CEP44: variants seen among roughly 807,000 people sequenced by gnomAD.
CEP44 encodes the protein centrosomal protein 44.
A neutral mutation model predicts 46.7 loss-of-function variants in CEP44; 45 were observed. That is an observed-to-expected ratio of 0.96 (90% CI 0.76 to 1.24). The LOEUF is 1.24. Among genes scored for constraint, CEP44 ranks in the 50% most tolerant of loss-of-function variants. The pLI is 0.00. For missense variants in CEP44, 475 were observed against 459.7 expected (o/e 1.03, Z -0.30); for synonymous variants, 142 against 146.0 (o/e 0.97, Z 0.20).
At chr4:174,323,063 T>TA (rs1426325650), downstream of CEP44, among the ~76,000 whole-genome samples, 1 of 149,160 alleles carries the variant, frequency 6.7e-6, no homozygotes, top group Non-Finnish European at 1.5e-5. Context: ...GAGAAAATGA[T>TA]ATTTCTGTTT....
Position 174,319,406 on chromosome 4 carries a change from A to C in CEP44, c.*2023A>C. The C allele has an allele frequency of 1.0e-6, 1 of 984,584 alleles. No individual in the cohort carries two copies. Among genetic ancestry groups the C allele is most frequent in the East Asian group, 1.1e-4 (1 of 8,812 alleles). 61.0% of individuals were successfully genotyped at this position (984,584 alleles called of 1,614,324 possible). A position where few individuals can be genotyped will look rare whatever the true frequency, so the allele number is the denominator to read the frequency against. ...CCAGTATTTTACCTTTTGTTAAAAC[A>C]AGTGATTTCCCATCAAACAGGATAA... On this transcript the variant is annotated 3_prime_UTR_variant, in exon 12 of 12. Transcript: ENST00000503780.
intron 6 of CEP44, among the ~76,000 whole-genome samples, chr4:174,305,035 A>C (rs1740221740): frequency 6.6e-6 from 1 of 152,248 alleles, no homozygotes; most frequent in Admixed American, 6.5e-5. Context: ...ATAGAATATC[A>C]GATGAATTAT....
chr4:174,284,809 A>T (rs911734470), intron 1 of CEP44, among the ~76,000 whole-genome samples: 14 of 152,020 alleles, frequency 9.2e-5, no homozygotes, highest in Non-Finnish European at 1.6e-4. Flanking sequence ...TGTTTTTCTC[A>T]TCTTTACTTT....
chr4:174,314,007 A>G lies in CEP44; in HGVS notation c.962-2159A>G, dbSNP rs1016545863. Among the ~76,000 whole-genome samples the G allele has an allele frequency of 2.6e-5, 4 of 152,192 alleles. No homozygotes were observed. Among genetic ancestry groups the G allele is most frequent in the Admixed American group, 1.3e-4 (2 of 15,288 alleles). Reference sequence around the variant, plus strand: ...CCTTGATTTAGAAGTATTGGCTTACAAATTATTAAATGGTAAAGGACCCTA... The same window carrying G: ...CCTTGATTTAGAAGTATTGGCTTACGAATTATTAAATGGTAAAGGACCCTA... On this transcript the variant is annotated intron_variant, in intron 9 of 11. Coordinates refer to ENST00000503780, the MANE Select transcript of CEP44 (RefSeq NM_001040157.3). This position sits in a 1 kb window ranked among gnomAD's most constrained non-coding sequence, Gnocchi z 4.1.
chr4:174,294,728 A>ACCTCCCTGCTGGGCGGGGGGCTGACCC (rs1738674536), intron 1 of CEP44, among the ~76,000 whole-genome samples: 1 of 128,494 alleles, frequency 7.8e-6, no homozygotes, highest in Admixed American at 7.5e-5. Context: ...GGGGCTGACC[A>ACCTCCCTGCTGGGCGGGGGGCTGACCC]CCCCCCACCT....
chr4:174,326,409 A>G lies in CEP44; in HGVS notation c.1087-5073A>G, dbSNP rs987586329. Among the ~76,000 whole-genome samples the G allele has an allele frequency of 6.6e-5, 10 of 151,994 alleles. No homozygotes were observed. Among genetic ancestry groups the G allele is most frequent in the Non-Finnish European group, 1.2e-4 (8 of 67,934 alleles). ...TTAAGTATAACATAAGAGCCTTACGATAATATACTTTTCATTCTTTCTGCG... is the reference window on the plus strand; with the variant it reads ...TTAAGTATAACATAAGAGCCTTACGGTAATATACTTTTCATTCTTTCTGCG... On this transcript the variant is annotated intron_variant, in intron 8 of 8. Coordinates refer to the CEP44 transcript ENST00000426172. This position sits in a 1 kb window ranked among gnomAD's most constrained non-coding sequence, Gnocchi z 4.8.
rs370074376 is a variant in CEP44, at chr4:174,304,381, C to G, written c.507+12C>G. Reference sequence around the variant, plus strand: ...TGACCTCAGGAAAGGTATGCAACCACAAAGAAAATATCATATTGTTTAAGA... The same window carrying G: ...TGACCTCAGGAAAGGTATGCAACCAGAAAGAAAATATCATATTGTTTAAGA... On this transcript the variant is annotated intron_variant, in intron 6 of 11. Transcript: ENST00000503780. 29 of 1,602,146 alleles carry G rather than the reference C, an allele frequency of 1.8e-5. No homozygotes were observed. The highest frequency in any genetic ancestry group is 2.7e-5 in the African/African-American group (2 of 74,044).
Position 174,318,078 on chromosome 4 carries a change from G to C in CEP44, c.*695G>C, listed in dbSNP as rs750457522. The C allele has an allele frequency of 4.8e-5, 47 of 984,778 alleles. No homozygotes were observed. The East Asian group carries it at 6.8e-4, about 14-fold the overall frequency. The allele number at this position is 984,778 out of a possible 1,614,324, so 61.0% of individuals were successfully genotyped here. ...GCTCTATTGTATAATTTTTTTGGAG[G>C]GGGGGATGGAGTTTCGCTGTTGTTG... On this transcript the variant is annotated 3_prime_UTR_variant, in exon 12 of 12. Coordinates refer to ENST00000503780, the MANE Select transcript of CEP44 (RefSeq NM_001040157.3).
rs554691754 is a variant in CEP44 at position 174,297,049 on chromosome 4, T to G, written c.-147-917T>G. On this transcript the variant is annotated intron_variant, in intron 1 of 11. Transcript: ENST00000503780. The surrounding 1 kb of genome is among the most constrained non-coding windows in gnomAD (Gnocchi z 4.3). ...TATAACTGTTCCTGCTTTCTTTTGATTAATGTTAGCATGGTATATTTTTCC... is the reference window on the plus strand; with the variant it reads ...TATAACTGTTCCTGCTTTCTTTTGAGTAATGTTAGCATGGTATATTTTTCC... Among the ~76,000 whole-genome samples the G allele has an allele frequency of 2.2e-3, 333 of 152,158 alleles. 2 individuals carry two copies. Among genetic ancestry groups the G allele is most frequent in the Non-Finnish European group, 3.6e-3 (242 of 67,970 alleles).
chr4:174,317,345 A>G lies in CEP44; in HGVS notation c.1135A>G (p.Thr379Ala). The change falls in exon 12 of 12, where the codon ACT becomes GCT. Residue 379 changes from threonine to alanine, a missense_variant. Coordinates refer to ENST00000503780, the MANE Select transcript of CEP44 (RefSeq NM_001040157.3). Reference sequence around the variant, plus strand: ...TTTATTATATTTCAGGTTTGAAGAAACTGCAGAGTTACTGAAATGTCCAAA... The same window carrying G: ...TTTATTATATTTCAGGTTTGAAGAAGCTGCAGAGTTACTGAAATGTCCAAA... Reference protein sequence around the residue: ...MERMKKMFEETAELLKCPNHY... With the variant: ...MERMKKMFEEAAELLKCPNHY... The G allele has an allele frequency of 7.3e-7, 1 of 1,372,920 alleles. No individual in the cohort carries two copies. The highest frequency in any genetic ancestry group is 9.7e-7 in the Non-Finnish European group (1 of 1,025,686). The allele number at this position is 1,372,920 out of a possible 1,614,324, so 85.0% of individuals were successfully genotyped here. A position where few individuals can be genotyped will look rare whatever the true frequency, so the allele number is the denominator to read the frequency against.
At position 174,314,478 on chromosome 4, in the gene CEP44, T is replaced by C. The variant is rs1741431449; in HGVS notation, c.962-1688T>C. On this transcript the variant is annotated intron_variant, in intron 9 of 11. Coordinates refer to ENST00000503780, the MANE Select transcript of CEP44 (RefSeq NM_001040157.3). This position sits in a 1 kb window ranked among gnomAD's most constrained non-coding sequence, Gnocchi z 4.1. ...CTGGAATCCTCTGTAGGAATAACTA[T>C]GAATAGCCTGCCAGCCTGCCAAATA... Among the ~76,000 whole-genome samples, 1 of 152,204 alleles carries C rather than the reference T, an allele frequency of 6.6e-6. No individual in the cohort carries two copies. The highest frequency in any genetic ancestry group is 2.4e-5 in the African/African-American group (1 of 41,462).
At chr4:174,332,372 C>T (rs1263868913) in exon 9 of CEP44, 1 of 152,208 alleles carries the variant, frequency 6.6e-6, no homozygotes, top group East Asian at 1.9e-4. Context: ...TTTGCTCATT[C>T]TCTGACCATG....
chr4:174,289,867 T>G (rs1374503857), intron 1 of CEP44, among the ~76,000 whole-genome samples: 1 of 151,706 alleles, frequency 6.6e-6, no homozygotes, highest in African/African-American at 2.4e-5. Flanking sequence ...GACAGAGTCT[T>G]GCTCTGTCAC....
chr4:174,304,903 C>A (rs999194983), intron 6 of CEP44, among the ~76,000 whole-genome samples: 4 of 152,128 alleles, frequency 2.6e-5, no homozygotes, highest in African/African-American at 9.7e-5. Flanking sequence ...GCAGCTGTGG[C>A]AAATTGAATC....
At chr4:174,316,097 A>C in intron 9 of CEP44, 69 bp from the exon 10 acceptor site, 1 of 1,552,834 alleles carries the variant, frequency 6.4e-7, no homozygotes, top group East Asian at 2.3e-5. Flanking sequence ...TCCATCTGTA[A>C]ATAATATTTT....
In CEP44 at chr4:174,301,758, G is replaced by C. The variant is rs528151390; in HGVS notation, c.90-281G>C. Among the ~76,000 whole-genome samples the C allele has an allele frequency of 2.6e-5, 4 of 152,242 alleles. No homozygotes were observed. Among genetic ancestry groups the C allele is most frequent in the African/African-American group, 9.6e-5 (4 of 41,554 alleles). The stretch of plus-strand genomic sequence containing the variant: ...AGTAGTAGAAAATGGAGTAGATCAC[G>C]TAAGACTAAGCTTTGGAAAATCAAT... On this transcript the variant is annotated intron_variant, in intron 3 of 11. Transcript: ENST00000503780. The surrounding 1 kb of genome is among the most constrained non-coding windows in gnomAD (Gnocchi z 4.3).
Position 174,317,541 on chromosome 4 carries a change from CTT to C in CEP44, c.*161_*162del, listed in dbSNP as rs1171254452. On this transcript the variant is annotated 3_prime_UTR_variant, in exon 12 of 12. Transcript: ENST00000503780. ...TTTTTGCATTCATTATTGAATAACTCTTTTAATATTTTTGAGCAATGATTATA... is the reference window on the plus strand; with the variant it reads ...TTTTTGCATTCATTATTGAATAACTCTTAATATTTTTGAGCAATGATTATA... 6 of 1,173,134 alleles carry C rather than the reference CTT, an allele frequency of 5.1e-6. No homozygotes were observed. The highest frequency in any genetic ancestry group is 8.2e-5 in the South Asian group (2 of 24,480). The allele number at this position is 1,173,134 out of a possible 1,614,324, so 72.7% of individuals were successfully genotyped here.
In CEP44 at chr4:174,319,190, A is replaced by C; in HGVS notation, c.*1807A>C. 1.0e-6 allele frequency: 1 copy of C among 976,956 alleles called. No homozygotes were observed. Among genetic ancestry groups the C allele is most frequent in the South Asian group, 4.7e-5 (1 of 21,114 alleles). 60.5% of individuals were successfully genotyped at this position (976,956 alleles called of 1,614,324 possible). ...AGAAACATACAATTTTGAATTTAAC[A>C]GAGTTTCAGTAAATATTTCCAGAAT... On this transcript the variant is annotated 3_prime_UTR_variant, in exon 12 of 12. Transcript: ENST00000503780.
At chr4:174,307,691 G>T (rs1460166652) in intron 6 of CEP44, among the ~76,000 whole-genome samples, 1 of 152,132 alleles carries the variant, frequency 6.6e-6, no homozygotes, top group Admixed American at 6.5e-5. Flanking sequence ...CGGAGTGGGA[G>T]AAAATTTTTG....
Sources: gnomAD v4.1 joint callset for allele counts (sites outside exome capture counted in the v4.1 genomes callset) on GRCh38, gnomAD v4.1.1 for gene constraint, Gnocchi (gnomAD v3.1) non-coding constraint, MANE v1.5 for transcripts, NCBI Gene and HGNC (gene_info 2026-07-23, HGNC 2026-07-21) for gene names.